MSANTD4: variants seen among roughly 807,000 people sequenced by gnomAD.
The protein encoded by MSANTD4 is Myb/SANT DNA binding domain containing 4 with coiled-coils, also known as myb/SANT-like DNA-binding domain-containing protein 4.
Under a neutral mutation model 34.3 loss-of-function variants are expected in MSANTD4, and 13 were observed. The ratio of observed to expected loss-of-function variants is 0.38; its 90% CI spans 0.25 to 0.60. The LOEUF (loss-of-function observed/expected upper bound fraction) is 0.60. Among genes scored for constraint, MSANTD4 ranks in the 20% least tolerant of loss-of-function variants. The probability of loss-of-function intolerance (pLI) is 0.63; values close to 1 mark genes in which losing one functional copy is unlikely to be tolerated. For synonymous variants in MSANTD4, 137 were observed against 145.2 expected (o/e 0.94, Z 0.41); for missense variants, 358 against 401.8 (o/e 0.89, Z 0.93).
chr11:106,017,292 T>A (rs1156416552), intron 1 of MSANTD4, among the ~76,000 whole-genome samples: 1 of 152,192 alleles, frequency 6.6e-6, no homozygotes, highest in Non-Finnish European at 1.5e-5. Flanking sequence ...ACACAGAACA[T>A]CCTATGCTCT....
At chr11:106,013,572 T>C (rs990638284) in intron 1 of MSANTD4, among the ~76,000 whole-genome samples, 4 of 152,178 alleles carry the variant, frequency 2.6e-5, no homozygotes, top group African/African-American at 9.7e-5. Flanking sequence ...CTTAAAAATG[T>C]GTTGTTGCCC....
chr11:106,016,374 T>G (rs1225867316), intron 1 of MSANTD4, among the ~76,000 whole-genome samples: 1 of 152,212 alleles, frequency 6.6e-6, no homozygotes, highest in Non-Finnish European at 1.5e-5. Flanking sequence ...ATATGCTGCT[T>G]CTTAGTACCC....
At chr11:106,010,397 A>G (rs770733890) in intron 2 of MSANTD4, 59 bp downstream of exon 2, 66 of 1,526,802 alleles carry the variant, frequency 4.3e-5, no homozygotes, top group Non-Finnish European at 5.6e-5. Flanking sequence ...GTTCCTGAAC[A>G]ATAATCTCCC....
In MSANTD4 at chr11:106,010,528, A is replaced by C. The variant is rs766586892; in HGVS notation, c.390T>G (p.Asp130Glu). Residue 130 changes from aspartate to glutamate, a missense_variant, in exon 2 of 3, where the codon GAT becomes GAG. Physicochemically the swap from Asp to Glu is conservative, Grantham distance 45 (BLOSUM62 2). Transcript: ENST00000301919. ...TTAAGGATCCACCTGCATCCCTGAAATCTGCCACATTTTGCCAGTCAAAAT... is the reference window on the plus strand; with the variant it reads ...TTAAGGATCCACCTGCATCCCTGAACTCTGCCACATTTTGCCAGTCAAAAT... ...DANFDWQNVA[D>E]FRDAGGSLTE... 2 of 1,614,160 alleles carry C rather than the reference A, an allele frequency of 1.2e-6. No homozygotes were observed. Among genetic ancestry groups the C allele is most frequent in the Non-Finnish European group, 1.7e-6 (2 of 1,180,010 alleles).
chr11:106,013,473 A>G (rs1380191626), intron 1 of MSANTD4, among the ~76,000 whole-genome samples: 1 of 152,188 alleles, frequency 6.6e-6, no homozygotes, highest in Non-Finnish European at 1.5e-5. Context: ...TGCCCACAAC[A>G]CAGCTAGTTA....
At position 106,022,180 on chromosome 11, in the gene MSANTD4, C is replaced by T. The variant is rs1322696074; in HGVS notation, c.-1369G>A. Reference sequence around the variant, plus strand: ...CCGCTTCCCTGGCCGCCTCCTCCAGCATAGAACCGCTCACCTGCGACCCCG... The same window carrying T: ...CCGCTTCCCTGGCCGCCTCCTCCAGTATAGAACCGCTCACCTGCGACCCCG... On this transcript the variant is annotated 5_prime_UTR_variant, in exon 1 of 3. An upstream start codon of the reference 5' UTR is lost. Transcript: ENST00000301919. 1 of 152,878 alleles carries T rather than the reference C, an allele frequency of 6.5e-6. No individual in the cohort carries two copies. The highest frequency in any genetic ancestry group is 1.5e-5 in the Non-Finnish European group (1 of 68,624). The allele number at this position is 152,878 out of a possible 1,614,324, so 9.5% of individuals were successfully genotyped here. A position where few individuals can be genotyped will look rare whatever the true frequency, so the allele number is the denominator to read the frequency against.
At chr11:106,014,082 A>C (rs1695571704) in intron 1 of MSANTD4, among the ~76,000 whole-genome samples, 1 of 152,144 alleles carries the variant, frequency 6.6e-6, no homozygotes. Flanking sequence ...AGAGACTTTA[A>C]CCTTGCTTCA....
chr11:106,011,952 A>T (rs1859707162), intron 1 of MSANTD4, among the ~76,000 whole-genome samples: 1 of 152,180 alleles, frequency 6.6e-6, no homozygotes, highest in Admixed American at 6.5e-5. Context: ...ATTCAAACTC[A>T]TTTTAAGGTT....
rs776710778 is a variant in MSANTD4 at position 106,010,495 on chromosome 11, G to C, written c.423C>G (p.Val141=). The change falls in exon 2 of 3, where the codon GTC becomes GTG. Residue 141 remains valine, a synonymous_variant. Coordinates refer to ENST00000301919, the MANE Select transcript of MSANTD4 (RefSeq NM_032424.3). The part of the protein sequence containing the change: ...FRDAGGSLTE[V]KVEEEERDPQ... The stretch of plus-strand genomic sequence containing the variant: ...GATCCCTTTCTTCCTCTTCCACCTT[G>C]ACCTCAGTTAAGGATCCACCTGCAT... 5 of 1,613,846 alleles carry C rather than the reference G, an allele frequency of 3.1e-6. No homozygotes were observed. Among genetic ancestry groups the C allele is most frequent in the Non-Finnish European group, 4.2e-6 (5 of 1,179,936 alleles).
rs1329267785 is a variant in MSANTD4, at chr11:106,021,664, C to T, written c.-853G>A. 6.6e-6 allele frequency: 1 copy of T among 152,190 alleles called. No individual in the cohort carries two copies. Among genetic ancestry groups the T allele is most frequent in the Non-Finnish European group, 1.5e-5 (1 of 68,044 alleles). 9.4% of individuals were successfully genotyped at this position (152,190 alleles called of 1,614,324 possible). A position where few individuals can be genotyped will look rare whatever the true frequency, so the allele number is the denominator to read the frequency against. On this transcript the variant is annotated 5_prime_UTR_variant, in exon 1 of 3. Coordinates refer to ENST00000301919, the MANE Select transcript of MSANTD4 (RefSeq NM_032424.3). ...CTTCCCTGCCAAAAAGTATGTTCTTCTCTAAAACTCGTGGTAGGTGCATAA... is the reference window on the plus strand; with the variant it reads ...CTTCCCTGCCAAAAAGTATGTTCTTTTCTAAAACTCGTGGTAGGTGCATAA...
chr11:106,011,074 G>T lies in MSANTD4; in HGVS notation c.-150-7C>A. ...AAGGCAGTCTGGATAATTCCTAAAA[G>T]GAAAAAAGTACAAGCAATCAATCAA... On this transcript the variant is annotated splice_polypyrimidine_tract_variant and splice_region_variant and intron_variant, in intron 1 of 2. Coordinates refer to ENST00000301919, the MANE Select transcript of MSANTD4 (RefSeq NM_032424.3). 2.3e-6 allele frequency: 3 copies of T among 1,299,792 alleles called. No homozygotes were observed. Among genetic ancestry groups the T allele is most frequent in the Non-Finnish European group, 3.0e-6 (3 of 992,624 alleles). The allele number at this position is 1,299,792 out of a possible 1,614,324, so 80.5% of individuals were successfully genotyped here. A position where few individuals can be genotyped will look rare whatever the true frequency, so the allele number is the denominator to read the frequency against.
chr11:106,008,032 C>T lies in MSANTD4; in HGVS notation c.*1503G>A, dbSNP rs1407722056. 6.6e-6 allele frequency: 1 copy of T among 152,590 alleles called. No homozygotes were observed. The highest frequency in any genetic ancestry group is 2.4e-5 in the African/African-American group (1 of 41,440). 9.5% of individuals were successfully genotyped at this position (152,590 alleles called of 1,614,324 possible). On this transcript the variant is annotated 3_prime_UTR_variant, in exon 3 of 3. Transcript: ENST00000301919. ...TCCTTGCATACCCATCCTCAAATGT[C>T]AACACACAGTTTCCAGCCATTCTTA...
At position 106,010,573 on chromosome 11, in the gene MSANTD4, A is replaced by C. The variant is rs768598761; in HGVS notation, c.345T>G (p.Ile115Met). 11 of 1,614,156 alleles carry C rather than the reference A, an allele frequency of 6.8e-6. No homozygotes were observed. The South Asian group carries it at 1.2e-4, about 18-fold the overall frequency. The change falls in exon 2 of 3, where the codon ATT becomes ATG. Residue 115 changes from isoleucine (I) to methionine (M), a missense_variant. Transcript: ENST00000301919. ...CAAAATTTGCATCATTTCGGAATCC[A>C]ATCTTTTCATCTATCTCTTCAGTGA... ...DSLTEEIDEKIGFRNDANFDW... is the reference protein window; with the variant it reads ...DSLTEEIDEKMGFRNDANFDW...
At chr11:106,012,093 T>C (rs1859711455) in intron 1 of MSANTD4, among the ~76,000 whole-genome samples, 1 of 131,340 alleles carries the variant, frequency 7.6e-6, no homozygotes, top group Admixed American at 8.0e-5. Context: ...CCCACCTAAT[T>C]AATCATGTAA....
rs548677648 is a variant in MSANTD4 at position 106,020,455 on chromosome 11, T to C, written c.-151+507A>G. ...AACTGTTACTGTAGTAACATATAAA[T>C]ATATAACCAATATAAGTATATAATA... On this transcript the variant is annotated intron_variant, in intron 1 of 2. Coordinates refer to ENST00000301919, the MANE Select transcript of MSANTD4 (RefSeq NM_032424.3). Among the ~76,000 whole-genome samples, 9 of 152,322 alleles carry C rather than the reference T, an allele frequency of 5.9e-5. No homozygotes were observed. In the East Asian group the frequency reaches 1.7e-3, roughly 29 times the overall value.
intron 1 of MSANTD4, among the ~76,000 whole-genome samples, chr11:106,013,974 T>C (rs1303017500): frequency 6.6e-6 from 1 of 152,238 alleles, no homozygotes; most frequent in African/African-American, 2.4e-5. Flanking sequence ...TAAAATTCTT[T>C]CAATCGGTTA....
chr11:106,018,692 T>C (rs1173257527), intron 1 of MSANTD4, among the ~76,000 whole-genome samples: 1 of 152,208 alleles, frequency 6.6e-6, no homozygotes, highest in African/African-American at 2.4e-5. Context: ...GGTTTATTTA[T>C]GGAAAAATAT....
rs1859576733 is a variant in MSANTD4, at chr11:106,007,931, GGTAGAA to G, written c.*1598_*1603del. ...ATAGTATAGGCAAATTTATTTCTAT[GGTAGAA>G]GCATTTATTTCAGATATAGAAAAAT... On this transcript the variant is annotated 3_prime_UTR_variant, in exon 3 of 3. Transcript: ENST00000301919. 1 of 152,536 alleles carries G rather than the reference GGTAGAA, an allele frequency of 6.6e-6. No homozygotes were observed. Among genetic ancestry groups the G allele is most frequent in the Non-Finnish European group, 1.5e-5 (1 of 68,028 alleles). 9.4% of individuals were successfully genotyped at this position (152,536 alleles called of 1,614,324 possible). A position where few individuals can be genotyped will look rare whatever the true frequency, so the allele number is the denominator to read the frequency against.
Position 106,009,455 on chromosome 11 carries a change from T to C in MSANTD4, c.*80A>G, listed in dbSNP as rs760580278. On this transcript the variant is annotated 3_prime_UTR_variant, in exon 3 of 3. Transcript: ENST00000301919. ...ACATTAGACAAGAAACCACAGCTAA[T>C]CCAGCAACCATCATTATATCACCTG... 7.4e-7 allele frequency: 1 copy of C among 1,357,336 alleles called. No homozygotes were observed. Among genetic ancestry groups the C allele is most frequent in the Non-Finnish European group, 1.0e-6 (1 of 993,102 alleles). 84.1% of individuals were successfully genotyped at this position (1,357,336 alleles called of 1,614,324 possible). A position where few individuals can be genotyped will look rare whatever the true frequency, so the allele number is the denominator to read the frequency against.
Sources: gnomAD v4.1 joint callset for allele counts (sites outside exome capture counted in the v4.1 genomes callset) on GRCh38, gnomAD v4.1.1 for gene constraint, MANE v1.5 for transcripts, NCBI Gene and HGNC (gene_info 2026-07-23, HGNC 2026-07-21) for gene names.